RASGEF1C: variants seen among roughly 807,000 people sequenced by gnomAD.
RASGEF1C encodes the protein ras-GEF domain-containing family member 1C.
Under a neutral mutation model 58.1 loss-of-function variants are expected in RASGEF1C, and 27 were observed. The ratio of observed to expected loss-of-function variants is 0.46; its 90% CI spans 0.34 to 0.64. The LOEUF (loss-of-function observed/expected upper bound fraction) is 0.64. Ranked by LOEUF, RASGEF1C falls within the 30% of genes least tolerant of loss-of-function variation. RASGEF1C has a pLI of 0.01. For missense variants in RASGEF1C, 502 were observed against 605.1 expected, an observed-to-expected ratio of 0.83 and a Z score of 1.79; for synonymous variants, 243 against 246.3, an observed-to-expected ratio of 0.99 and a Z score of 0.13.
intron 1 of RASGEF1C, among the ~76,000 whole-genome samples, chr5:180,199,828 C>T (rs1581132157): frequency 6.6e-6 from 1 of 152,256 alleles, no homozygotes; most frequent in African/African-American, 2.4e-5. Context: ...TCTCACCTGG[C>T]TCATATTAAA....
rs747235742 is a variant in RASGEF1C, at chr5:180,114,426, G to T, written c.1179+20C>A. 2 of 1,608,574 alleles carry T rather than the reference G, an allele frequency of 1.2e-6. No individual in the cohort carries two copies. Among genetic ancestry groups the T allele is most frequent in the East Asian group, 2.2e-5 (1 of 44,724 alleles). On this transcript the variant is annotated intron_variant, in intron 11 of 13. Transcript: ENST00000361132. ...TTCCCGGCCTGTCTACCTCAGTGGC[G>T]GTCCACACGGAGGTCCTACCTCAAA...
chr5:180,189,782 G>T (rs760209999), intron 1 of RASGEF1C, among the ~76,000 whole-genome samples: 1 of 152,044 alleles, frequency 6.6e-6, no homozygotes, highest in South Asian at 2.1e-4. Flanking sequence ...AATTAGCCAG[G>T]CATGGTGGTG....
intron 1 of RASGEF1C, among the ~76,000 whole-genome samples, chr5:180,179,496 A>G (rs1767287220): frequency 6.6e-6 from 1 of 152,270 alleles, no homozygotes; most frequent in African/African-American, 2.4e-5. Context: ...TGAAGGCAGA[A>G]GCCAGCCTGC....
chr5:180,191,469 G>T (rs1215568769), intron 1 of RASGEF1C, among the ~76,000 whole-genome samples: 1 of 152,102 alleles, frequency 6.6e-6, no homozygotes, highest in African/African-American at 2.4e-5. Flanking sequence ...CCATTCTCCT[G>T]CCTCAGCCTC....
chr5:180,105,064 T>A (rs1021564056), intron 12 of RASGEF1C, among the ~76,000 whole-genome samples: 3 of 152,226 alleles, frequency 2.0e-5, no homozygotes, highest in African/African-American at 7.2e-5. Context: ...TAAGCACTCA[T>A]CAGGCACTTC....
At chr5:180,165,544 G>T (rs867503167) in intron 1 of RASGEF1C, among the ~76,000 whole-genome samples, 1 of 151,188 alleles carries the variant, frequency 6.6e-6, no homozygotes, top group African/African-American at 2.4e-5. Flanking sequence ...TGTGGCATGG[G>T]CCTGTATTCC....
At chr5:180,166,545 A>G (rs10055382) in intron 1 of RASGEF1C, among the ~76,000 whole-genome samples, 90,263 of 147,862 alleles carry the variant, frequency 0.61, 28,096 homozygotes, top group Non-Finnish European at 0.69. Flanking sequence ...ACAGAGTTTC[A>G]CTGTTGTCAC....
intron 6 of RASGEF1C, among the ~76,000 whole-genome samples, chr5:180,121,976 G>A (rs899997554): frequency 1.3e-5 from 2 of 152,180 alleles, no homozygotes; most frequent in East Asian, 1.9e-4. Context: ...GTGCCGTCTA[G>A]TATTCCCATG....
intron 1 of RASGEF1C, among the ~76,000 whole-genome samples, chr5:180,166,671 A>T (rs779475919): frequency 1.4e-4 from 21 of 151,948 alleles, no homozygotes; most frequent in Non-Finnish European, 2.5e-4. Context: ...ACCCACCACC[A>T]TGCCCAGCTA....
rs531932458 is a variant in RASGEF1C, at chr5:180,158,383, T to G, written c.-6-20325A>C. On this transcript the variant is annotated intron_variant, in intron 1 of 13. Coordinates refer to ENST00000361132, the MANE Select transcript of RASGEF1C (RefSeq NM_175062.4). This position sits in a 1 kb window ranked among gnomAD's most constrained non-coding sequence, Gnocchi z 4.0. ...TGGAGCACATACTCTAGTAGCTTTT[T>G]GAGAAGAGGTGCTTAGGAAGTAAAT... 1.3e-5 allele frequency among the ~76,000 whole-genome samples: 2 copies of G among 152,208 alleles called. No homozygotes were observed. The highest frequency in any genetic ancestry group is 6.5e-5 in the Admixed American group (1 of 15,282).
At chr5:180,118,984 A>T in intron 8 of RASGEF1C, 118 bp from the exon 9 acceptor site, 1 of 927,066 alleles carries the variant, frequency 1.1e-6, no homozygotes, top group Non-Finnish European at 1.7e-6. Context: ...TCAGCCTGTC[A>T]CATGGTGGGT....
At chr5:180,110,130 C>T (rs542943556) in intron 12 of RASGEF1C, among the ~76,000 whole-genome samples, 6 of 152,220 alleles carry the variant, frequency 3.9e-5, no homozygotes, top group African/African-American at 7.2e-5. Context: ...CCCTGGGGAG[C>T]AGGTTCTCAC....
intron 1 of RASGEF1C, among the ~76,000 whole-genome samples, chr5:180,200,380 G>A (rs1301612367): frequency 7.9e-6 from 1 of 126,794 alleles, no homozygotes; most frequent in Non-Finnish European, 1.6e-5. Context: ...CGCGATCTAG[G>A]CTCACTGCAA....
chr5:180,181,903 C>T (rs1231136092), intron 1 of RASGEF1C, among the ~76,000 whole-genome samples: 1 of 152,130 alleles, frequency 6.6e-6, no homozygotes, highest in African/African-American at 2.4e-5. Context: ...GTCTCGCTGA[C>T]TTCAAGAATG....
In RASGEF1C at chr5:180,121,637, T is replaced by TCACACACACACACA. The variant is rs762495633; in HGVS notation, c.715-502_715-489dup. ...TAAAAATACATTTTAAAATGTAACT[T>TCACACACACACACA]CACACACACACACACACACACACAC... On this transcript the variant is annotated intron_variant, in intron 6 of 13. Coordinates refer to ENST00000361132, the MANE Select transcript of RASGEF1C (RefSeq NM_175062.4). Among the ~76,000 whole-genome samples the TCACACACACACACA allele has an allele frequency of 5.1e-3, 576 of 113,296 alleles. 4 individuals are homozygous for TCACACACACACACA. Among genetic ancestry groups the TCACACACACACACA allele is most frequent in the Middle Eastern group, 8.3e-3 (2 of 240 alleles). 74.3% of individuals were successfully genotyped at this position (113,296 alleles called of 152,430 possible).
chr5:180,186,583 G>A (rs192986662), intron 1 of RASGEF1C, among the ~76,000 whole-genome samples: 1 of 152,332 alleles, frequency 6.6e-6, no homozygotes, highest in East Asian at 1.9e-4. Context: ...AAGATTTAAT[G>A]TGTAAAGATG....
At chr5:180,181,205 A>T (rs1304226896) in intron 1 of RASGEF1C, among the ~76,000 whole-genome samples, 1 of 152,258 alleles carries the variant, frequency 6.6e-6, no homozygotes, top group Non-Finnish European at 1.5e-5. Flanking sequence ...GATCAGGGAC[A>T]AAGGAAATGG....
Position 180,197,927 on chromosome 5 carries a change from T to A in RASGEF1C, c.-7+11101A>T, listed in dbSNP as rs1472190789. Among the ~76,000 whole-genome samples, 2 of 152,226 alleles carry A rather than the reference T, an allele frequency of 1.3e-5. No individual in the cohort carries two copies. Among genetic ancestry groups the A allele is most frequent in the African/African-American group, 4.8e-5 (2 of 41,460 alleles). On this transcript the variant is annotated intron_variant, in intron 1 of 13. Coordinates refer to ENST00000361132, the MANE Select transcript of RASGEF1C (RefSeq NM_175062.4). The surrounding 1 kb of genome is among the most constrained non-coding windows in gnomAD (Gnocchi z 4.7). ...GCACTGCGTCCCACGCTTAGCGACA[T>A]CCAATGCACGTAAAGCAGAAATTCC...
rs1339488676 is a variant in RASGEF1C, at chr5:180,143,150, GAGACAGGC to G, written c.-6-5100_-6-5093del. Reference sequence around the variant, plus strand: ...GATTGTGTGGGGTCAGGTCTGCAGAGAGACAGGCAGACAGGGGACAGGATCCCACGTGC... The same window carrying G: ...GATTGTGTGGGGTCAGGTCTGCAGAGAGACAGGGGACAGGATCCCACGTGC... On this transcript the variant is annotated intron_variant, in intron 1 of 13. Coordinates refer to ENST00000361132, the MANE Select transcript of RASGEF1C (RefSeq NM_175062.4). The surrounding 1 kb of genome is among the most constrained non-coding windows in gnomAD (Gnocchi z 4.3). 1.3e-5 allele frequency among the ~76,000 whole-genome samples: 2 copies of G among 152,156 alleles called. No homozygotes were observed. The highest frequency in any genetic ancestry group is 4.8e-5 in the African/African-American group (2 of 41,442).
Sources: allele counts gnomAD v4.1 joint callset (sites outside exome capture counted in the v4.1 genomes callset), GRCh38; gene constraint gnomAD v4.1.1; non-coding constraint Gnocchi (gnomAD v3.1); transcripts MANE v1.5; gene names NCBI Gene and HGNC (gene_info 2026-07-23, HGNC 2026-07-21).